The following PCA3 variants were observed in gnomAD, a reference collection of about 807,000 sequenced individuals.
PCA3 encodes prostate cancer associated 3, also known as Differential Display code 3.
At chr9:76,784,648 G>T (rs774838550) in intron 2 of PCA3, 1 of 152,092 alleles carries the variant, frequency 6.6e-6, no homozygotes, top group Non-Finnish European at 1.5e-5. Context: ...TACTCATTTT[G>T]TTCAAAGACC....
chr9:76,777,154 A>G (rs560369494), intron 2 of PCA3, among the ~76,000 whole-genome samples: 1 of 152,218 alleles, frequency 6.6e-6, no homozygotes, highest in African/African-American at 2.4e-5. Flanking sequence ...GGGAGGGCAG[A>G]GAAGGGAAGA....
Position 76,774,450 on chromosome 9 carries a change from C to CTTTTTTTATTTATTTATTTATTT in PCA3, n.853-34126_853-34125insATTTATTTATTTATTTTTTTTTT, listed in dbSNP as rs1564272256. 6.3e-4 allele frequency among the ~76,000 whole-genome samples: 26 copies of CTTTTTTTATTTATTTATTTATTT among 41,392 alleles called. 1 individual carries two copies. The highest frequency in any genetic ancestry group is 1.0e-3 in the East Asian group (1 of 972). 27.2% of individuals were successfully genotyped at this position (41,392 alleles called of 152,430 possible). On this transcript the variant is annotated intron_variant and non_coding_transcript_variant, in intron 2 of 5. Transcript: ENST00000644657. ...ATCGTTCCTGGCCTCCAGTTCAACC[C>CTTTTTTTATTTATTTATTTATTT]TTTTTTTTTTTTTTTTTTTTTTTTT...
chr9:76,766,981 C>T (rs1458386362), intron 2 of PCA3, among the ~76,000 whole-genome samples: 2 of 152,192 alleles, frequency 1.3e-5, no homozygotes, highest in Admixed American at 6.5e-5. Flanking sequence ...CCTCGCCACA[C>T]CTTCCCCCCA....
intron 2 of PCA3, among the ~76,000 whole-genome samples, chr9:76,774,456 T>TA (rs770848796): frequency 0.33 from 43,652 of 133,598 alleles, 8,763 homozygotes; most frequent in African/African-American, 0.5. Flanking sequence ...AACCCTTTTT[T>TA]TTTTTTTTTT....
chr9:76,785,257 A>G (rs1305418156), intron 2 of PCA3: 1 of 152,212 alleles, frequency 6.6e-6, no homozygotes, highest in Non-Finnish European at 1.5e-5. Flanking sequence ...AGTTTTGAAT[A>G]AGTTGACTAT....
At chr9:76,775,796 A>G (rs376625884) in intron 2 of PCA3, among the ~76,000 whole-genome samples, 1 of 152,192 alleles carries the variant, frequency 6.6e-6, no homozygotes, top group Non-Finnish European at 1.5e-5. Context: ...AGGATTGCTC[A>G]CCCGGCCTTC....
chr9:76,785,842 T>C lies in PCA3; in HGVS notation n.853-22741T>C, dbSNP rs569301296. ...CATGTTTTCAAATGGCACTATGAGCTGCCAATGATGTATCACCACCATATC... is the reference window on the plus strand; with the variant it reads ...CATGTTTTCAAATGGCACTATGAGCCGCCAATGATGTATCACCACCATATC... On this transcript the variant is annotated intron_variant and non_coding_transcript_variant, in intron 2 of 5. Transcript: ENST00000644657. The C allele has an allele frequency of 6.6e-5, 10 of 152,260 alleles. No individual in the cohort carries two copies. In the East Asian group the frequency reaches 1.9e-3, roughly 29 times the overall value. The allele number at this position is 152,260 out of a possible 1,614,324, so 9.4% of individuals were successfully genotyped here.
At chr9:76,778,967 C>T (rs1375703253) in intron 2 of PCA3, 1 of 152,196 alleles carries the variant, frequency 6.6e-6, no homozygotes. Context: ...ATTTCCATTC[C>T]AGTTGGCTTC....
intron 2 of PCA3, among the ~76,000 whole-genome samples, chr9:76,776,299 C>T (rs577974175): frequency 6.6e-6 from 1 of 152,064 alleles, no homozygotes; most frequent in Non-Finnish European, 1.5e-5. Flanking sequence ...CGCCTTCCCA[C>T]CTTTTGGACT....
intron 2 of PCA3, among the ~76,000 whole-genome samples, chr9:76,768,580 T>C (rs528931119): frequency 6.7e-4 from 48 of 71,138 alleles, no homozygotes; most frequent in Admixed American, 2.3e-3. Flanking sequence ...TATATGTATA[T>C]GTATGTGTGT....
At chr9:76,772,844 C>T (rs1460621318) in intron 2 of PCA3, among the ~76,000 whole-genome samples, 2 of 152,172 alleles carry the variant, frequency 1.3e-5, no homozygotes, top group Non-Finnish European at 2.9e-5. Flanking sequence ...GATTAACAGG[C>T]ATGAGCCACT....
At chr9:76,769,753 G>T (rs1043280820) in intron 2 of PCA3, among the ~76,000 whole-genome samples, 1 of 152,194 alleles carries the variant, frequency 6.6e-6, no homozygotes, top group Non-Finnish European at 1.5e-5. Context: ...TTGTATTTCT[G>T]TAGGAGAGCT....
At chr9:76,781,415 C>T (rs7846757) in intron 2 of PCA3, among the ~76,000 whole-genome samples, 384 of 152,304 alleles carry the variant, frequency 2.5e-3, no homozygotes, top group African/African-American at 8.9e-3. Context: ...CCTGAATGTG[C>T]CGACCTATTT....
intron 2 of PCA3, among the ~76,000 whole-genome samples, chr9:76,775,302 G>A (rs1447923262): frequency 6.7e-6 from 1 of 148,488 alleles, no homozygotes; most frequent in Non-Finnish European, 1.5e-5. Context: ...TTTGTACTTT[G>A]TCTTTTTTTT....
At chr9:76,783,050 G>C (rs1046376062) in intron 2 of PCA3, among the ~76,000 whole-genome samples, 1 of 152,212 alleles carries the variant, frequency 6.6e-6, no homozygotes, top group African/African-American at 2.4e-5. Context: ...AGTCCACATA[G>C]TAGGTATTGT....
chr9:76,785,894 T>C (rs936742177), intron 2 of PCA3: 4 of 152,194 alleles, frequency 2.6e-5, no homozygotes, highest in African/African-American at 9.7e-5. Flanking sequence ...AATGTGATAA[T>C]AATGTCATCT....
intron 2 of PCA3, among the ~76,000 whole-genome samples, chr9:76,770,226 C>T (rs1438396940): frequency 1.3e-5 from 2 of 152,100 alleles, no homozygotes; most frequent in Non-Finnish European, 2.9e-5. Flanking sequence ...TACCCTTACA[C>T]TTGTTTTCAT....
chr9:76,775,864 A>T (rs2053676769), intron 2 of PCA3, among the ~76,000 whole-genome samples: 1 of 152,204 alleles, frequency 6.6e-6, no homozygotes, highest in Non-Finnish European at 1.5e-5. Context: ...AGCTCGGACC[A>T]ACACCAAGTA....
chr9:76,774,460 T>TATTTATTTATTTA (rs1564272674), intron 2 of PCA3, among the ~76,000 whole-genome samples: 56 of 138,642 alleles, frequency 4.0e-4, no homozygotes, highest in South Asian at 7.0e-4. Context: ...CTTTTTTTTT[T>TATTTATTTATTTA]TTTTTTTTTT....
Sources: allele counts gnomAD v4.1 joint callset (sites outside exome capture counted in the v4.1 genomes callset), GRCh38; gene constraint gnomAD v4.1.1; transcripts MANE v1.5; gene names NCBI Gene and HGNC (gene_info 2026-07-23, HGNC 2026-07-21).